The following LUC7L2 variants were observed in gnomAD, a reference collection of about 807,000 sequenced individuals.
LUC7L2 encodes the protein LUC7 like 2, pre-mRNA splicing factor.
LUC7L2 carries 25 observed loss-of-function variants against 52.8 expected under a neutral mutation model. The ratio of observed to expected loss-of-function variants is 0.47; its 90% CI spans 0.34 to 0.66. LUC7L2 has a LOEUF of 0.66. LUC7L2 is among the 30% of genes least tolerant of loss of function. The pLI is 0.01. For missense variants in LUC7L2, 328 were observed against 497.8 expected, an observed-to-expected ratio of 0.66 and a Z score of 3.25; for synonymous variants, 144 against 160.9, an observed-to-expected ratio of 0.89 and a Z score of 0.80.
chr7:139,349,026 C>T (rs184960873), intron 1 of LUC7L2, among the ~76,000 whole-genome samples: 4 of 113,968 alleles, frequency 3.5e-5, no homozygotes, highest in East Asian at 2.3e-4. Context: ...GCCAGACACA[C>T]GCAAGTAATC....
chr7:139,412,494 T>C (rs1795403199), intron 7 of LUC7L2, 57 bp from the exon 8 acceptor site: 1 of 1,540,388 alleles, frequency 6.5e-7, no homozygotes, highest in Admixed American at 1.9e-5. Context: ...AATGTAACAC[T>C]GCACTGTTTT....
chr7:139,376,408 C>T (rs1235080355), intron 2 of LUC7L2, among the ~76,000 whole-genome samples: 1 of 152,082 alleles, frequency 6.6e-6, no homozygotes, highest in Non-Finnish European at 1.5e-5. Context: ...ATTTGGAATA[C>T]AGAAGTAGTT....
Position 139,422,228 on chromosome 7 carries a change from A to G in LUC7L2, c.1067A>G (p.Asp356Gly), listed in dbSNP as rs975687872. Residue 356 changes from aspartate (D) to glycine (G), a missense_variant, in exon 10 of 10, where the codon GAC becomes GGC. Around this residue, in one of 2 missense-constraint regions of LUC7L2, gnomAD observed 195 missense variants for 223.3 expected, o/e 0.87. Coordinates refer to ENST00000354926, the MANE Select transcript of LUC7L2 (RefSeq NM_016019.5). The stretch of plus-strand genomic sequence containing the variant: ...TGTGACAGAGACAGGAGTTCAAGAG[A>G]CAGATCACCTCGTGACAGAGATCGG... ...ASCDRDRSSR[D>G]RSPRDRDRKD... 2.5e-6 allele frequency: 4 copies of G among 1,614,108 alleles called. No homozygotes were observed. In the Admixed American group the frequency reaches 6.7e-5, roughly 27 times the overall value.
chr7:139,403,942 A>G (rs1313385879), intron 4 of LUC7L2, among the ~76,000 whole-genome samples: 1 of 152,196 alleles, frequency 6.6e-6, no homozygotes, highest in Non-Finnish European at 1.5e-5. Context: ...TAACCAAAGC[A>G]AGTTCATGGC....
Position 139,359,902 on chromosome 7 carries a change from C to T in LUC7L2, c.-360C>T. ...GCGCGAGGAGCGTGCGCGCTCCCGT[C>T]GTGGCGACGGTGGCGGCGAGCGGCG... On this transcript the variant is annotated 5_prime_UTR_variant, in exon 1 of 10. Transcript: ENST00000354926. 1 of 418,356 alleles carries T rather than the reference C, an allele frequency of 2.4e-6. No homozygotes were observed. Among genetic ancestry groups the T allele is most frequent in the Non-Finnish European group, 4.2e-6 (1 of 236,184 alleles). 25.9% of individuals were successfully genotyped at this position (418,356 alleles called of 1,614,324 possible).
chr7:139,401,875 C>G (rs1299255581), intron 3 of LUC7L2, among the ~76,000 whole-genome samples: 1 of 151,842 alleles, frequency 6.6e-6, no homozygotes, highest in Non-Finnish European at 1.5e-5. Context: ...CCGCCTCAGC[C>G]TCCCGAGAAG....
intron 3 of LUC7L2, among the ~76,000 whole-genome samples, chr7:139,399,079 AT>A (rs1164770425): frequency 6.6e-6 from 1 of 152,102 alleles, no homozygotes; most frequent in Non-Finnish European, 1.5e-5. Context: ...TTATATATAT[AT>A]ATACATGTAT....
intron 2 of LUC7L2, among the ~76,000 whole-genome samples, chr7:139,391,031 ATTG>A (rs1250152619): frequency 6.6e-6 from 1 of 152,110 alleles, no homozygotes; most frequent in East Asian, 1.9e-4. Flanking sequence ...ATGCCATTAT[ATTG>A]TTTGAATTTT....
intron 2 of LUC7L2, among the ~76,000 whole-genome samples, chr7:139,377,892 A>C (rs1480628659): frequency 7.9e-6 from 1 of 126,122 alleles, no homozygotes; most frequent in East Asian, 2.3e-4. Flanking sequence ...AACACTGCCC[A>C]CTGCAGCCTC....
chr7:139,416,404 T>C (rs1795621566), intron 8 of LUC7L2: 1 of 152,168 alleles, frequency 6.6e-6, no homozygotes, highest in African/African-American at 2.4e-5. Context: ...TTTCTGGTTT[T>C]TCAGAATGTT....
At chr7:139,388,958 G>T (rs1001736544) in intron 2 of LUC7L2, among the ~76,000 whole-genome samples, 1 of 152,004 alleles carries the variant, frequency 6.6e-6, no homozygotes, top group African/African-American at 2.4e-5. Context: ...ATGATCTTAG[G>T]CAAATATTGA....
intron 2 of LUC7L2, among the ~76,000 whole-genome samples, chr7:139,384,220 T>C (rs747137024): frequency 5.9e-5 from 9 of 152,166 alleles, no homozygotes; most frequent in African/African-American, 9.6e-5. Context: ...TTTGAAGAGA[T>C]CTGGATGTGG....
chr7:139,360,047 C>T lies in LUC7L2; in HGVS notation c.-215C>T. On this transcript the variant is annotated 5_prime_UTR_variant, in exon 1 of 10. Transcript: ENST00000354926. ...ACGGAGAGTGAGGGCACGAGGGTCG[C>T]TGTCGGGGGCTGTCGTCTTCCACGT... 1.9e-6 allele frequency: 1 copy of T among 536,736 alleles called. No individual in the cohort carries two copies. Among genetic ancestry groups the T allele is most frequent in the Non-Finnish European group, 3.3e-6 (1 of 304,320 alleles). 33.2% of individuals were successfully genotyped at this position (536,736 alleles called of 1,614,324 possible).
chr7:139,358,170 C>A (rs1279049446), upstream of LUC7L2, among the ~76,000 whole-genome samples: 1 of 151,686 alleles, frequency 6.6e-6, no homozygotes, highest in Non-Finnish European at 1.5e-5. Flanking sequence ...CCATGCCCGG[C>A]TAATTTTTGT....
chr7:139,381,719 G>A (rs1020709770), intron 2 of LUC7L2, among the ~76,000 whole-genome samples: 1 of 151,308 alleles, frequency 6.6e-6, no homozygotes, highest in Non-Finnish European at 1.5e-5. Context: ...TGAGATTACA[G>A]ACACACGCCA....
intron 1 of LUC7L2, among the ~76,000 whole-genome samples, chr7:139,366,491 T>TAAC (rs10650445): frequency 0.38 from 58,411 of 151,960 alleles, 15,687 homozygotes; most frequent in African/African-American, 0.77. Context: ...CTTTAATAGT[T>TAAC]TAATAGTTAA....
intron 2 of LUC7L2, among the ~76,000 whole-genome samples, chr7:139,393,142 T>G (rs1166965508): frequency 6.6e-6 from 1 of 151,810 alleles, no homozygotes; most frequent in Non-Finnish European, 1.5e-5. Context: ...TGGTGCACAC[T>G]TGTAATCCCA....
chr7:139,416,745 C>CA (rs1795640559), intron 8 of LUC7L2: 1 of 152,192 alleles, frequency 6.6e-6, no homozygotes, highest in Non-Finnish European at 1.5e-5. Flanking sequence ...ATATTGTGGG[C>CA]ATTAAAAACT....
chr7:139,394,344 C>T (rs1302009824), intron 2 of LUC7L2, among the ~76,000 whole-genome samples: 1 of 152,204 alleles, frequency 6.6e-6, no homozygotes, highest in East Asian at 1.9e-4. Flanking sequence ...TAATCTTACC[C>T]CTCTCATGCA....
Sources: gnomAD v4.1 joint callset for allele counts (sites outside exome capture counted in the v4.1 genomes callset) on GRCh38, gnomAD v4.1.1 for gene constraint, gnomAD v4.1.1 regional missense constraint, MANE v1.5 for transcripts, NCBI Gene and HGNC (gene_info 2026-07-23, HGNC 2026-07-21) for gene names.